PRKCE: variants seen among roughly 807,000 people sequenced by gnomAD.
The protein encoded by PRKCE is protein kinase C epsilon.
A neutral mutation model predicts 85.4 loss-of-function variants in PRKCE; 16 were observed. The ratio of observed to expected loss-of-function variants is 0.19; its 90% CI spans 0.13 to 0.28. The LOEUF is 0.28. Ranked by LOEUF, PRKCE falls within the 10% of genes least tolerant of loss-of-function variation. The pLI is 1.00. For synonymous variants in PRKCE, 388 were observed against 371.5 expected, an observed-to-expected ratio of 1.04 and a Z score of -0.51; for missense variants, 573 against 975.2, an observed-to-expected ratio of 0.59 and a Z score of 5.49.
chr2:45,949,943 G>A (rs1307846179), intron 2 of PRKCE, among the ~76,000 whole-genome samples: 1 of 147,724 alleles, frequency 6.8e-6, no homozygotes, highest in East Asian at 2.0e-4. Context: ...CAAATTTTTT[G>A]TTGCTTTTTT....
At chr2:45,961,289 T>C (rs1701358363) in intron 2 of PRKCE, among the ~76,000 whole-genome samples, 1 of 152,224 alleles carries the variant, frequency 6.6e-6, no homozygotes, top group Non-Finnish European at 1.5e-5. Context: ...AAAACATTTT[T>C]CCTTGCAATG....
At position 46,154,684 on chromosome 2, in the gene PRKCE, TA is replaced by T. The variant is rs572087472; in HGVS notation, c.1920+3456del. ...CTACCCCTTTCTCCTGCTGCCCTCTTAGTGCCAACATTTTCATAGGTTGACT... is the reference window on the plus strand; with the variant it reads ...CTACCCCTTTCTCCTGCTGCCCTCTTGTGCCAACATTTTCATAGGTTGACT... On this transcript the variant is annotated intron_variant, in intron 13 of 14. Coordinates refer to ENST00000306156, the MANE Select transcript of PRKCE (RefSeq NM_005400.3). Among the ~76,000 whole-genome samples, 84 of 152,024 alleles carry T rather than the reference TA, an allele frequency of 5.5e-4. 1 individual carries two copies. The South Asian group carries it at 0.016, about 29-fold the overall frequency.
intron 2 of PRKCE, among the ~76,000 whole-genome samples, chr2:45,958,543 A>G (rs1405532140): frequency 2.0e-5 from 3 of 149,770 alleles, no homozygotes; most frequent in African/African-American, 7.3e-5. Context: ...ATCAAAACTC[A>G]TAGAAACAAC....
chr2:45,825,942 G>T (rs577365294), intron 1 of PRKCE, among the ~76,000 whole-genome samples: 1 of 152,068 alleles, frequency 6.6e-6, no homozygotes, highest in Admixed American at 6.5e-5. Flanking sequence ...GGGATGGGGG[G>T]ATGATAGACT....
chr2:46,123,243 T>G (rs1284629399), intron 11 of PRKCE, among the ~76,000 whole-genome samples: 1 of 115,196 alleles, frequency 8.7e-6, no homozygotes, highest in Non-Finnish European at 1.8e-5. Flanking sequence ...TTTTTTTTTT[T>G]GGTCTACACA....
At chr2:45,902,719 T>A (rs1696668222) in intron 2 of PRKCE, among the ~76,000 whole-genome samples, 2 of 152,186 alleles carry the variant, frequency 1.3e-5, no homozygotes, top group African/African-American at 4.8e-5. Context: ...CCCCCAGACC[T>A]AAAGTAGGGG....
chr2:45,725,974 G>T (rs1451772950), intron 1 of PRKCE, among the ~76,000 whole-genome samples: 1 of 152,178 alleles, frequency 6.6e-6, no homozygotes, highest in Non-Finnish European at 1.5e-5. Flanking sequence ...CAGTACTTCA[G>T]CTGGGAAAGT....
chr2:45,720,858 C>T, intron 1 of PRKCE, among the ~76,000 whole-genome samples: 1 of 152,062 alleles, frequency 6.6e-6, no homozygotes, highest in South Asian at 2.1e-4. Flanking sequence ...CCTGTAATCC[C>T]AGCACTTTGG....
chr2:45,899,370 A>T (rs898030028), intron 2 of PRKCE, among the ~76,000 whole-genome samples: 9 of 151,702 alleles, frequency 5.9e-5, no homozygotes, highest in Admixed American at 5.9e-4. Context: ...AAGTCTTTTT[A>T]AAAAATTTTT....
intron 2 of PRKCE, among the ~76,000 whole-genome samples, chr2:45,916,682 A>T (rs1478141802): frequency 6.6e-6 from 1 of 152,198 alleles, no homozygotes; most frequent in Admixed American, 6.5e-5. Flanking sequence ...CAGTACATTT[A>T]AAAGAGCATA....
intron 10 of PRKCE, among the ~76,000 whole-genome samples, chr2:46,042,428 A>G (rs1470598): frequency 0.3 from 45,687 of 152,220 alleles, 7,600 homozygotes; most frequent in Non-Finnish European, 0.38. Flanking sequence ...AAAACAAACA[A>G]AAGTAAACAG....
At chr2:46,133,966 C>T (rs527842483) in intron 11 of PRKCE, among the ~76,000 whole-genome samples, 16 of 152,270 alleles carry the variant, frequency 1.1e-4, no homozygotes, top group Non-Finnish European at 2.1e-4. Flanking sequence ...GCAGAGACCT[C>T]ACAACAAGAG....
intron 2 of PRKCE, among the ~76,000 whole-genome samples, chr2:45,906,378 T>A (rs912031030): frequency 1.3e-5 from 2 of 152,196 alleles, no homozygotes; most frequent in Non-Finnish European, 2.9e-5. Context: ...CCCCTGTGGA[T>A]CTTCAGCTGC....
intron 1 of PRKCE, among the ~76,000 whole-genome samples, chr2:45,833,399 A>T (rs1690599873): frequency 6.6e-6 from 1 of 152,210 alleles, no homozygotes; most frequent in Non-Finnish European, 1.5e-5. Flanking sequence ...TGGAATCCTC[A>T]AAAGAAAGAC....
intron 1 of PRKCE, among the ~76,000 whole-genome samples, chr2:45,813,839 C>T (rs1051530748): frequency 1.3e-5 from 2 of 152,232 alleles, no homozygotes. Context: ...ACACAGCCCA[C>T]AGGGCATGTG....
At chr2:45,843,156 A>G (rs1171218322) in intron 2 of PRKCE, 93 bp downstream of exon 2, 1 of 1,113,314 alleles carries the variant, frequency 9.0e-7, no homozygotes, top group Non-Finnish European at 1.3e-6. Context: ...AACACATTAT[A>G]GTGACATTTA....
chr2:45,997,188 G>T (rs1704288130), intron 6 of PRKCE, among the ~76,000 whole-genome samples: 1 of 152,030 alleles, frequency 6.6e-6, no homozygotes, highest in African/African-American at 2.4e-5. Flanking sequence ...AATAATTTGT[G>T]TCTTCTCTTT....
chr2:46,120,416 A>G (rs777686711), intron 11 of PRKCE, among the ~76,000 whole-genome samples: 18 of 152,176 alleles, frequency 1.2e-4, no homozygotes, highest in Non-Finnish European at 2.2e-4. Flanking sequence ...GGTCCTCACA[A>G]CAAAGATTTA....
intron 1 of PRKCE, among the ~76,000 whole-genome samples, chr2:45,834,724 T>A (rs1364212796): frequency 1.3e-5 from 2 of 152,170 alleles, no homozygotes; most frequent in Non-Finnish European, 2.9e-5. Flanking sequence ...TAGTTCCCTA[T>A]CAGTTGGTAC....
Sources: gnomAD v4.1 joint callset for allele counts (sites outside exome capture counted in the v4.1 genomes callset) on GRCh38, gnomAD v4.1.1 for gene constraint, MANE v1.5 for transcripts, NCBI Gene and HGNC (gene_info 2026-07-23, HGNC 2026-07-21) for gene names.